Variants in ADAMTS3 observed in about 807,000 individuals in gnomAD.
ADAMTS3 encodes ADAM metallopeptidase with thrombospondin type 1 motif 3.
A neutral mutation model predicts 129.0 loss-of-function variants in ADAMTS3; 73 were observed. The ratio of observed to expected loss-of-function variants is 0.57; its 90% confidence interval spans 0.47 to 0.69. The LOEUF (loss-of-function observed/expected upper bound fraction) is 0.69, where lower values mean the gene tolerates loss of function less well. Among genes scored for constraint, ADAMTS3 ranks in the 30% least tolerant of loss-of-function variants. The pLI is 0.00. For missense variants in ADAMTS3, 1,457 were observed against 1,514.5 expected, an observed-to-expected ratio of 0.96 and a Z score of 0.63; for synonymous variants, 477 against 510.8, an observed-to-expected ratio of 0.93 and a Z score of 0.89.
rs1178826242 is a variant in ADAMTS3, at chr4:72,325,998, T to G, written c.862-2901A>C. 6.6e-5 allele frequency among the ~76,000 whole-genome samples: 10 copies of G among 152,110 alleles called. 1 individual carries two copies. In the East Asian group the frequency reaches 1.9e-3, roughly 29 times the overall value. The stretch of plus-strand genomic sequence containing the variant: ...CAATAGCAAATAGGATATTATAAAA[T>G]GAATAAAAGAGCATTTTTAAAATTC... On this transcript the variant is annotated intron_variant, in intron 5 of 21. Coordinates refer to ENST00000286657, the MANE Select transcript of ADAMTS3 (RefSeq NM_014243.3).
chr4:72,540,229 T>C (rs1364384794), intron 3 of ADAMTS3, among the ~76,000 whole-genome samples: 1 of 152,148 alleles, frequency 6.6e-6, no homozygotes, highest in Non-Finnish European at 1.5e-5. Flanking sequence ...CAAAGGTGAC[T>C]CTTGTTATGT....
chr4:72,460,191 A>T (rs2109982867), intron 3 of ADAMTS3, among the ~76,000 whole-genome samples: 1 of 151,680 alleles, frequency 6.6e-6, no homozygotes, highest in Non-Finnish European at 1.5e-5. Flanking sequence ...AGATTTGTTC[A>T]TTCTAAATAA....
At chr4:72,403,070 T>C (rs1318826401) in intron 4 of ADAMTS3, among the ~76,000 whole-genome samples, 1 of 152,128 alleles carries the variant, frequency 6.6e-6, no homozygotes, top group Non-Finnish European at 1.5e-5. Context: ...AAGTGTTCTT[T>C]AAGCTTTAGT....
At chr4:72,504,446 A>G (rs1720104966) in intron 3 of ADAMTS3, among the ~76,000 whole-genome samples, 1 of 152,126 alleles carries the variant, frequency 6.6e-6, no homozygotes, top group African/African-American at 2.4e-5. Flanking sequence ...TGTTAGCCCA[A>G]TAGAGTTCCT....
rs1719302895 is a variant in ADAMTS3, at chr4:72,313,574, C to T, written c.1745+103G>A. On this transcript the variant is annotated intron_variant, in intron 12 of 21. Transcript: ENST00000286657. The stretch of plus-strand genomic sequence containing the variant: ...AACTGTGAACAATTTATTTTCCTGC[C>T]CTGTGTTTTACATGCACTTTATAAA... 6 of 1,220,620 alleles carry T rather than the reference C, an allele frequency of 4.9e-6. No homozygotes were observed. The South Asian group carries it at 9.5e-5, about 19-fold the overall frequency. 75.6% of individuals were successfully genotyped at this position (1,220,620 alleles called of 1,614,324 possible). A position where few individuals can be genotyped will look rare whatever the true frequency, so the allele number is the denominator to read the frequency against.
chr4:72,538,676 T>C (rs1488533183), intron 3 of ADAMTS3, among the ~76,000 whole-genome samples: 1 of 152,122 alleles, frequency 6.6e-6, no homozygotes, highest in Non-Finnish European at 1.5e-5. Flanking sequence ...ATTCATATGG[T>C]ATCTCAAGGG....
chr4:72,339,395 A>G (rs934150782), intron 5 of ADAMTS3, 99 bp downstream of exon 5: 14 of 1,085,102 alleles, frequency 1.3e-5, no homozygotes, highest in Non-Finnish European at 1.8e-5. Flanking sequence ...ATATTTTGGC[A>G]CAGTCATGGA....
chr4:72,534,105 A>T (rs891085589), intron 3 of ADAMTS3, among the ~76,000 whole-genome samples: 1 of 152,158 alleles, frequency 6.6e-6, no homozygotes, highest in Non-Finnish European at 1.5e-5. Flanking sequence ...AGGTGGGTGG[A>T]TCGCGAGGTC....
chr4:72,349,625 A>G (rs1720375746), intron 4 of ADAMTS3, among the ~76,000 whole-genome samples: 1 of 151,842 alleles, frequency 6.6e-6, no homozygotes, highest in South Asian at 2.1e-4. Flanking sequence ...TTTATAAACA[A>G]CCTCGGTTGT....
At chr4:72,465,010 C>A (rs1272705117) in intron 3 of ADAMTS3, among the ~76,000 whole-genome samples, 1 of 151,930 alleles carries the variant, frequency 6.6e-6, no homozygotes, top group African/African-American at 2.4e-5. Flanking sequence ...GGTAACAAGA[C>A]AGAAATCTAA....
chr4:72,514,846 T>G (rs1350649797), intron 3 of ADAMTS3, among the ~76,000 whole-genome samples: 1 of 152,174 alleles, frequency 6.6e-6, no homozygotes, highest in African/African-American at 2.4e-5. Flanking sequence ...TTTTTAATTA[T>G]TATTATACTT....
At chr4:72,550,040 G>C (rs1393831033) in intron 2 of ADAMTS3, among the ~76,000 whole-genome samples, 1 of 8,768 alleles carries the variant, frequency 1.1e-4, no homozygotes, top group African/African-American at 4.9e-4. Flanking sequence ...AGAAGAAGAA[G>C]AAGAGGAAGA....
Position 72,414,955 on chromosome 4 carries a change from CT to C in ADAMTS3, c.520del (p.Ser174ValfsTer33). 6.5e-7 allele frequency: 1 copy of C among 1,537,182 alleles called. No individual in the cohort carries two copies. The highest frequency in any genetic ancestry group is 1.3e-5 in the South Asian group (1 of 77,732). ...NCDGLAGMIK[S>X]DNEEYFIEPL... The stretch of plus-strand genomic sequence containing the variant: ...TTCAATGAAATACTCTTCATTATCA[CT>C]TTTTATCATTCCAGCCTAGAGAAAG... On this transcript the variant is annotated frameshift_variant, in exon 4 of 22. Transcript: ENST00000286657. LOFTEE classifies it high-confidence loss of function.
At chr4:72,470,324 A>G (rs911027115) in intron 3 of ADAMTS3, among the ~76,000 whole-genome samples, 3 of 147,158 alleles carry the variant, frequency 2.0e-5, no homozygotes, top group African/African-American at 7.5e-5. Context: ...GAATACCATG[A>G]GGATTACTCA....
At position 72,290,975 on chromosome 4, in the gene ADAMTS3, G is replaced by A. The variant is rs774747607; in HGVS notation, c.2811C>T (p.Leu937=). The change falls in exon 20 of 22, where the codon CTC becomes CTT. Residue 937 remains leucine, a synonymous_variant. Transcript: ENST00000286657. Reference sequence around the variant, plus strand: ...GCACAGAGCGGTTGGTGCCATCAAGGAGTGGCTGAAGGCAGCGTACAGTGC... The same window carrying A: ...GCACAGAGCGGTTGGTGCCATCAAGAAGTGGCTGAAGGCAGCGTACAGTGC... The part of the protein sequence containing the change: ...QLRTVRCLQP[L]LDGTNRSVHS... 3.7e-6 allele frequency: 6 copies of A among 1,613,952 alleles called. No homozygotes were observed. Among genetic ancestry groups the A allele is most frequent in the Non-Finnish European group, 5.1e-6 (6 of 1,179,984 alleles).
Position 72,391,533 on chromosome 4 carries a change from AG to A in ADAMTS3, c.661+23281del, listed in dbSNP as rs533201782. On this transcript the variant is annotated intron_variant, in intron 4 of 21. Transcript: ENST00000286657. ...GACAAGAAGGGCTGGATGGGAGGTCAGGGGAGTCATGAGAGGCCAATGAAAC... is the reference window on the plus strand; with the variant it reads ...GACAAGAAGGGCTGGATGGGAGGTCAGGGAGTCATGAGAGGCCAATGAAAC... Among the ~76,000 whole-genome samples, 479 of 152,306 alleles carry A rather than the reference AG, an allele frequency of 3.1e-3. 4 individuals are homozygous for A. The highest frequency in any genetic ancestry group is 4.6e-3 in the Non-Finnish European group (313 of 68,022).
chr4:72,296,984 T>A (rs1451824826), intron 18 of ADAMTS3, among the ~76,000 whole-genome samples: 4 of 152,138 alleles, frequency 2.6e-5, no homozygotes, highest in Non-Finnish European at 5.9e-5. Flanking sequence ...TTAACTGTGT[T>A]CTAATGATGA....
At chr4:72,292,910 C>T (rs1001244825) in intron 19 of ADAMTS3, among the ~76,000 whole-genome samples, 5 of 152,150 alleles carry the variant, frequency 3.3e-5, no homozygotes, top group African/African-American at 1.2e-4. Context: ...ATTTTGAAGA[C>T]TTCAGTGATG....
intron 10 of ADAMTS3, among the ~76,000 whole-genome samples, chr4:72,316,574 G>C (rs1358709217): frequency 5.9e-5 from 9 of 151,996 alleles, no homozygotes; most frequent in Non-Finnish European, 1.5e-5. Flanking sequence ...TCTAATTCCA[G>C]CTACTTGGGA....
Sources: gnomAD v4.1 joint callset for allele counts (sites outside exome capture counted in the v4.1 genomes callset) on GRCh38, gnomAD v4.1.1 for gene constraint, MANE v1.5 for transcripts, NCBI Gene and HGNC (gene_info 2026-07-23, HGNC 2026-07-21) for gene names.